CCNJL: variants seen among roughly 807,000 people sequenced by gnomAD.
CCNJL encodes the protein cyclin-J-like protein.
A neutral mutation model predicts 33.4 loss-of-function variants in CCNJL; 33 were observed. That is an observed-to-expected ratio of 0.99 (90% CI 0.75 to 1.32). The LOEUF (loss-of-function observed/expected upper bound fraction) is 1.32, where lower values mean the gene tolerates loss of function less well. Among genes scored for constraint, CCNJL ranks in the 40% most tolerant of loss-of-function variants. The pLI is 0.00. For synonymous variants in CCNJL, 227 were observed against 220.9 expected (o/e 1.03, Z -0.24); for missense variants, 512 against 499.7 (o/e 1.02, Z -0.23).
At chr5:160,260,647 G>C (rs546776336) in intron 3 of CCNJL, among the ~76,000 whole-genome samples, 1 of 152,134 alleles carries the variant, frequency 6.6e-6, no homozygotes, top group Non-Finnish European at 1.5e-5. Context: ...CTTCCACTGC[G>C]TGAGGCTCTG....
chr5:160,292,736 AT>A (rs1041823607), intron 2 of CCNJL, among the ~76,000 whole-genome samples: 70 of 151,944 alleles, frequency 4.6e-4, no homozygotes, highest in African/African-American at 1.6e-3. Context: ...ACAATTTAAT[AT>A]TTTTTTCTAT....
chr5:160,305,472 G>A (rs897749776), intron 2 of CCNJL, among the ~76,000 whole-genome samples: 1 of 152,174 alleles, frequency 6.6e-6, no homozygotes, highest in Admixed American at 6.5e-5. Context: ...AAATAAAGGC[G>A]ACCTTGGCCT....
rs1763450297 is a variant in CCNJL, at chr5:160,321,018, CTTTCTTTCTTTCTTTCTTTCTTTCTT to C, written n.207-5539_207-5514del. ...TCTTTCTCTCTCTCTCTCTCTCTTT[CTTTCTTTCTTTCTTTCTTTCTTTCTT>C]TCTTTCTTTCTTTCTTTCTTTCTTT... On this transcript the variant is annotated intron_variant and non_coding_transcript_variant, in intron 1 of 7. Transcript: ENST00000377503. 3.2e-3 allele frequency among the ~76,000 whole-genome samples: 63 copies of C among 19,734 alleles called. 4 individuals are homozygous for C. Among genetic ancestry groups the C allele is most frequent in the African/African-American group, 7.2e-3 (34 of 4,690 alleles). The allele number at this position is 19,734 out of a possible 152,430, so 12.9% of individuals were successfully genotyped here.
chr5:160,259,353 C>T, intron 4 of CCNJL, 116 bp downstream of exon 4: 1 of 849,774 alleles, frequency 1.2e-6, no homozygotes, highest in South Asian at 1.7e-5. Context: ...TCTGGGTGCA[C>T]AGGCCCCAGT....
intron 2 of CCNJL, among the ~76,000 whole-genome samples, chr5:160,291,207 C>A (rs181962531): frequency 6.6e-6 from 1 of 151,968 alleles, no homozygotes; most frequent in African/African-American, 2.4e-5. Flanking sequence ...ACGGAAGAAG[C>A]GGGTCAGTGT....
chr5:160,333,431 T>A (rs1438892785), intron 1 of CCNJL, among the ~76,000 whole-genome samples: 1 of 151,788 alleles, frequency 6.6e-6, no homozygotes, highest in South Asian at 2.1e-4. Flanking sequence ...GCCCAAAAAT[T>A]TTTTTAAAAA....
chr5:160,254,584 C>T (rs145902192), intron 5 of CCNJL: 8 of 373,718 alleles, frequency 2.1e-5, no homozygotes, highest in Non-Finnish European at 3.3e-5. Flanking sequence ...TAAGGGCTTC[C>T]GCTTTGCCCA....
intron 2 of CCNJL, among the ~76,000 whole-genome samples, chr5:160,302,527 T>C (rs887036832): frequency 6.6e-6 from 1 of 152,132 alleles, no homozygotes; most frequent in Non-Finnish European, 1.5e-5. Context: ...ATTAAAATAA[T>C]GAGGCCAGGC....
intron 2 of CCNJL, among the ~76,000 whole-genome samples, chr5:160,297,905 A>C (rs1762799567): frequency 6.6e-6 from 1 of 152,160 alleles, no homozygotes; most frequent in African/African-American, 2.4e-5. Context: ...CGCCAAGTCA[A>C]CAGCTTTGCT....
intron 1 of CCNJL, among the ~76,000 whole-genome samples, chr5:160,335,749 A>ATTTT (rs70990725): frequency 2.1e-5 from 3 of 140,758 alleles, no homozygotes; most frequent in Admixed American, 7.3e-5. Flanking sequence ...TTTTTTTGAA[A>ATTTT]TTTTTTTTTT....
In CCNJL at chr5:160,324,980, G is replaced by A. The variant is rs1862432; in HGVS notation, n.207-9475C>T. ...GGTATATGCTTCCAAGGTACTTGGTGTGTGTGCTCATGGGAACTGGGTTCC... is the reference window on the plus strand; with the variant it reads ...GGTATATGCTTCCAAGGTACTTGGTATGTGTGCTCATGGGAACTGGGTTCC... On this transcript the variant is annotated intron_variant and non_coding_transcript_variant, in intron 1 of 7. Coordinates refer to the CCNJL transcript ENST00000377503. Among the ~76,000 whole-genome samples, 950 of 152,274 alleles carry A rather than the reference G, an allele frequency of 6.2e-3. 3 individuals are homozygous for A. Among genetic ancestry groups the A allele is most frequent in the African/African-American group, 0.022 (911 of 41,546 alleles).
chr5:160,291,401 CTA>C (rs980466286), intron 2 of CCNJL, among the ~76,000 whole-genome samples: 15 of 152,160 alleles, frequency 9.9e-5, no homozygotes, highest in Admixed American at 8.5e-4. Flanking sequence ...TAAAGGAAGC[CTA>C]TATTAGCCCA....
At chr5:160,318,081 A>G (rs1231819718) in intron 1 of CCNJL, among the ~76,000 whole-genome samples, 1 of 151,656 alleles carries the variant, frequency 6.6e-6, no homozygotes, top group African/African-American at 2.4e-5. Flanking sequence ...CAGTAGCACA[A>G]TCTCGGCTCA....
chr5:160,334,391 A>G (rs992129997), intron 1 of CCNJL, among the ~76,000 whole-genome samples: 6 of 152,218 alleles, frequency 3.9e-5, no homozygotes, highest in Non-Finnish European at 8.8e-5. Context: ...GCACAATAAA[A>G]TGATACAAAT....
chr5:160,321,109 TCTC>T (rs1763457548), intron 1 of CCNJL, among the ~76,000 whole-genome samples: 1 of 149,356 alleles, frequency 6.7e-6, no homozygotes, highest in East Asian at 2.0e-4. Flanking sequence ...TTTCTCTCTC[TCTC>T]TTTTTTTTCC....
At position 160,255,721 on chromosome 5, in the gene CCNJL, C is replaced by A. The variant is rs182383314; in HGVS notation, c.584-13G>T. 7.4e-6 allele frequency: 12 copies of A among 1,612,308 alleles called. No individual in the cohort carries two copies. The East Asian group carries it at 2.7e-4, about 36-fold the overall frequency. On this transcript the variant is annotated splice_polypyrimidine_tract_variant and intron_variant, in intron 4 of 5. Coordinates refer to ENST00000257536, the MANE Select transcript of CCNJL (RefSeq NM_001308173.3). ...TAGAATATGTGATCTGAAAGAAAGC[C>A]ACGGAGGGAGTCAGCATCCAAATCC...
At chr5:160,299,109 G>C (rs2113417210) in intron 2 of CCNJL, among the ~76,000 whole-genome samples, 1 of 152,100 alleles carries the variant, frequency 6.6e-6, no homozygotes, top group South Asian at 2.1e-4. Flanking sequence ...CTTCCAAGTA[G>C]TTGGGATTAC....
At chr5:160,303,179 G>A (rs1762978294) in intron 2 of CCNJL, among the ~76,000 whole-genome samples, 1 of 152,158 alleles carries the variant, frequency 6.6e-6, no homozygotes, top group Admixed American at 6.6e-5. Flanking sequence ...TAGATAAAGT[G>A]TTTTACGACA....
intron 1 of CCNJL, 127 bp from the exon 2 acceptor site, chr5:160,312,099 C>CTGGA: frequency 4.8e-6 from 3 of 629,006 alleles, no homozygotes; most frequent in Non-Finnish European, 5.6e-6. Flanking sequence ...CTCAGAGGAG[C>CTGGA]TGGAGGTCGC....
Sources: gnomAD v4.1 joint callset for allele counts (sites outside exome capture counted in the v4.1 genomes callset) on GRCh38, gnomAD v4.1.1 for gene constraint, MANE v1.5 for transcripts, NCBI Gene and HGNC (gene_info 2026-07-23, HGNC 2026-07-21) for gene names.